Variants in CCT5 observed in about 807,000 individuals in gnomAD.
CCT5 encodes the protein T-complex protein 1 subunit epsilon.
CCT5 carries 6 observed loss-of-function variants against 55.0 expected under a neutral mutation model. The observed-to-expected ratio is 0.11, with a 90% CI of 0.06 to 0.22. CCT5 has a LOEUF of 0.22. CCT5 is among the 10% of genes least tolerant of loss of function. CCT5 has a pLI of 1.00. For missense variants in CCT5, 560 were observed against 694.6 expected (o/e 0.81, Z 2.18); for synonymous variants, 231 against 243.7 (o/e 0.95, Z 0.49).
chr5:10,262,763 C>T (rs940342588), intron 9 of CCT5, 145 bp downstream of exon 9: 1 of 870,726 alleles, frequency 1.1e-6, no homozygotes. Flanking sequence ...AAGTTAATTC[C>T]CACGTTCCTG....
In CCT5 at chr5:10,252,312, A is replaced by G. The variant is rs141269436; in HGVS notation, c.106-1833A>G. On this transcript the variant is annotated intron_variant, in intron 1 of 10. Transcript: ENST00000280326. ...TGGAAATTGAAGGCAACGGTAAAAG[A>G]AATGTATAGGCCAGGACGTGAACGT... 8.9e-4 allele frequency among the ~76,000 whole-genome samples: 136 copies of G among 152,332 alleles called. 1 individual carries two copies. The highest frequency in any genetic ancestry group is 2.4e-4 in the Non-Finnish European group (16 of 68,028).
intron 1 of CCT5, among the ~76,000 whole-genome samples, chr5:10,251,640 G>T (rs1243096143): frequency 6.6e-6 from 1 of 152,170 alleles, no homozygotes; most frequent in Admixed American, 6.5e-5. Context: ...TTTCCAGGGG[G>T]AGGTGATAGG....
chr5:10,258,181 C>T lies in CCT5; in HGVS notation c.601C>T (p.Arg201Trp). The T allele has an allele frequency of 3.1e-6, 5 of 1,614,126 alleles. No homozygotes were observed. Among genetic ancestry groups the T allele is most frequent in the Non-Finnish European group, 4.2e-6 (5 of 1,180,036 alleles). ...CGTCCTCACTGTAGCAGATATGGAG[C>T]GGAGAGACGTTGACTTTGAGCTTAT... ...NAVLTVADME[R>W]RDVDFELIKV... Residue 201 changes from arginine (R) to tryptophan (W), a missense_variant, in exon 5 of 11, where the codon CGG becomes TGG. Physicochemically the swap from Arg to Trp is moderately radical, Grantham distance 101. Around this residue, in one of 4 missense-constraint regions of CCT5, gnomAD observed 256 missense variants for 372.4 expected, o/e 0.69. Coordinates refer to ENST00000280326, the MANE Select transcript of CCT5 (RefSeq NM_012073.5).
Position 10,256,026 on chromosome 5 carries a change from G to A in CCT5, c.403G>A (p.Asp135Asn), listed in dbSNP as rs751401579. Reference sequence around the variant, plus strand: ...AGGCATTCACCCAATCAGAATAGCCGATGGCTATGAGCAGGCTGCTCGTGT... The same window carrying A: ...AGGCATTCACCCAATCAGAATAGCCAATGGCTATGAGCAGGCTGCTCGTGT... ...DRGIHPIRIA[D>N]GYEQAARVAI... is the part of the protein sequence containing the mutation. The change falls in exon 4 of 11, where the codon GAT becomes AAT. Residue 135 changes from aspartate (D) to asparagine (N), a missense_variant. Asp to Asn is a conservative substitution (Grantham distance 23). This residue lies in a region of CCT5 where 137 missense variants were observed against 181.9 expected (regional missense o/e 0.75). Coordinates refer to ENST00000280326, the MANE Select transcript of CCT5 (RefSeq NM_012073.5). 3.6e-5 allele frequency: 58 copies of A among 1,613,682 alleles called. No homozygotes were observed. Among genetic ancestry groups the A allele is most frequent in the Non-Finnish European group, 4.6e-5 (54 of 1,179,676 alleles).
At chr5:10,251,602 C>T (rs191988017) in intron 1 of CCT5, among the ~76,000 whole-genome samples, 9 of 152,242 alleles carry the variant, frequency 5.9e-5, no homozygotes, top group Admixed American at 3.9e-4. Flanking sequence ...TGACTTAGTG[C>T]TAGTTACACA....
chr5:10,254,867 T>G (rs1213544858), intron 3 of CCT5, 29 bp downstream of exon 3: 2 of 1,593,140 alleles, frequency 1.3e-6, no homozygotes, highest in African/African-American at 2.7e-5. Flanking sequence ...TCCTTTCTCA[T>G]TTAAGAGACG....
intron 4 of CCT5, 29 bp from the exon 5 acceptor site, chr5:10,258,082 T>C (rs539649252): frequency 6.2e-7 from 1 of 1,609,640 alleles, no homozygotes; most frequent in Admixed American, 1.7e-5. Flanking sequence ...GTGAAACCAA[T>C]GAAGTTTGTT....
At chr5:10,252,614 C>CAA (rs35768596) in intron 1 of CCT5, among the ~76,000 whole-genome samples, 2,752 of 119,538 alleles carry the variant, frequency 0.023, 82 homozygotes, top group African/African-American at 0.073. Context: ...GACTCCGTCT[C>CAA]AAAAAAAAAA....
In CCT5 at chr5:10,266,059, G is replaced by A. The variant is rs1324524078; in HGVS notation, c.*1276G>A. 6.6e-6 allele frequency: 1 copy of A among 152,068 alleles called. No homozygotes were observed. The allele number at this position is 152,068 out of a possible 1,614,324, so 9.4% of individuals were successfully genotyped here. ...TGCTAAATAACTCCTGTGGATTTAG[G>A]AATGTGTGCTAATAGCAATCTTCCT... On this transcript the variant is annotated 3_prime_UTR_variant, in exon 11 of 11. Transcript: ENST00000280326.
At chr5:10,262,375 TAAATATTA>T in intron 8 of CCT5, 98 bp from the exon 9 acceptor site, 4 of 1,235,958 alleles carry the variant, frequency 3.2e-6, no homozygotes, top group Non-Finnish European at 4.7e-6. Context: ...GGAGGCCATC[TAAATATTA>T]GAGCACAGCC....
intron 4 of CCT5, among the ~76,000 whole-genome samples, chr5:10,256,522 C>A (rs563446961): frequency 1.1e-4 from 16 of 152,164 alleles, no homozygotes; most frequent in African/African-American, 3.6e-4. Context: ...TGAAGACCAG[C>A]CAGGGCAATG....
chr5:10,251,897 TG>T (rs2126493731), intron 1 of CCT5, among the ~76,000 whole-genome samples: 1 of 152,368 alleles, frequency 6.6e-6, no homozygotes, highest in South Asian at 2.1e-4. Context: ...TCAGCCATTT[TG>T]TTCAAACTGC....
rs915687210 is a variant in CCT5, at chr5:10,250,583, C to T, written c.105+138C>T. ...AGAATCTCCGTCTCCCTGCGGTCTC[C>T]GGCCGCTCAGCCCGCTTACTGAGCT... On this transcript the variant is annotated intron_variant, in intron 1 of 10. Coordinates refer to ENST00000280326, the MANE Select transcript of CCT5 (RefSeq NM_012073.5). The T allele has an allele frequency of 1.9e-5, 29 of 1,489,540 alleles. No individual in the cohort carries two copies. The African/African-American group carries it at 3.5e-4, about 18-fold the overall frequency. 92.3% of individuals were successfully genotyped at this position (1,489,540 alleles called of 1,614,324 possible). A position where few individuals can be genotyped will look rare whatever the true frequency, so the allele number is the denominator to read the frequency against.
intron 4 of CCT5, 112 bp from the exon 5 acceptor site, chr5:10,257,999 A>T: frequency 8.9e-7 from 1 of 1,128,656 alleles, no homozygotes; most frequent in Non-Finnish European, 1.3e-6. Context: ...CCCCTCTAGA[A>T]GACTCAAAAC....
chr5:10,255,361 C>CT (rs1275642146), intron 3 of CCT5, among the ~76,000 whole-genome samples: 6 of 151,860 alleles, frequency 4.0e-5, no homozygotes, highest in Admixed American at 6.6e-5. Flanking sequence ...AGTATTGTAC[C>CT]TTTTTTTTCT....
chr5:10,254,960 GAA>G, intron 3 of CCT5, 122 bp downstream of exon 3: 1 of 810,058 alleles, frequency 1.2e-6, no homozygotes. Flanking sequence ...AATCCAAGTT[GAA>G]AACATGCTAC....
chr5:10,254,994 A>G (rs1278053084), intron 3 of CCT5, 156 bp downstream of exon 3: 1 of 666,078 alleles, frequency 1.5e-6, no homozygotes, highest in African/African-American at 1.8e-5. Flanking sequence ...CGGACTTTCA[A>G]AACTGACAGT....
At chr5:10,264,310 AC>A (rs1746121198) in intron 10 of CCT5, among the ~76,000 whole-genome samples, 1 of 152,140 alleles carries the variant, frequency 6.6e-6, no homozygotes, top group South Asian at 2.1e-4. Flanking sequence ...GAAATATCTT[AC>A]ATTTCAGCTG....
intron 3 of CCT5, chr5:10,255,151 A>G (rs1400154838): frequency 6.5e-5 from 25 of 384,828 alleles, no homozygotes; most frequent in South Asian, 5.6e-4. Context: ...ATGTACTGCA[A>G]TGCTGAGTTT....
Sources: allele counts gnomAD v4.1 joint callset (sites outside exome capture counted in the v4.1 genomes callset), GRCh38; gene constraint gnomAD v4.1.1; regional missense constraint gnomAD v4.1.1; transcripts MANE v1.5; gene names NCBI Gene and HGNC (gene_info 2026-07-23, HGNC 2026-07-21).